The following NPR3 variants were observed in gnomAD, a reference collection of about 807,000 sequenced individuals.
NPR3 encodes natriuretic peptide receptor 3.
Under a neutral mutation model 54.5 loss-of-function variants are expected in NPR3, and 34 were observed. The ratio of observed to expected loss-of-function variants is 0.62; its 90% CI spans 0.47 to 0.83. The LOEUF is 0.83. NPR3 is among the 40% of genes least tolerant of loss of function. The probability of loss-of-function intolerance (pLI) is 0.00; values close to 1 mark genes in which losing one functional copy is unlikely to be tolerated. For missense variants in NPR3, 674 were observed against 720.8 expected (o/e 0.94, Z 0.74); for synonymous variants, 289 against 297.1 (o/e 0.97, Z 0.28).
intron 3 of NPR3, among the ~76,000 whole-genome samples, chr5:32,747,805 G>C (rs1740380789): frequency 6.6e-6 from 1 of 150,730 alleles, no homozygotes; most frequent in Admixed American, 6.6e-5. Flanking sequence ...ACCCAGGCTG[G>C]AGTGCAGTGG....
At chr5:32,784,096 T>C (rs1742483020) in intron 6 of NPR3, among the ~76,000 whole-genome samples, 1 of 152,230 alleles carries the variant, frequency 6.6e-6, no homozygotes, top group Non-Finnish European at 1.5e-5. Context: ...AATGAATTTT[T>C]CATCAAATCT....
At position 32,786,251 on chromosome 5, in the gene NPR3, C is replaced by T. The variant is rs774991793; in HGVS notation, c.1532C>T (p.Thr511Ile). 9.3e-6 allele frequency: 14 copies of T among 1,497,502 alleles called. No individual in the cohort carries two copies. The highest frequency in any genetic ancestry group is 1.7e-4 in the Middle Eastern group (1 of 5,902). The allele number at this position is 1,497,502 out of a possible 1,614,324, so 92.8% of individuals were successfully genotyped here. A position where few individuals can be genotyped will look rare whatever the true frequency, so the allele number is the denominator to read the frequency against. The change falls in exon 8 of 8, where the codon ACC (threonine) becomes ATC (isoleucine). Residue 511 changes from threonine to isoleucine, a missense_variant. Coordinates refer to ENST00000265074, the MANE Select transcript of NPR3 (RefSeq NM_001204375.2). ...FYFFRKKYRI[T>I]IERRTQQEES... is the part of the protein sequence containing the mutation. ...TTACCCAGGAAGAAATACAGAATAA[C>T]CATTGAGAGGCGAACCCAGCAAGAA...
rs535917401 is a variant in NPR3 at position 32,758,472 on chromosome 5, G to A, written c.1060-16236G>A. Among the ~76,000 whole-genome samples the A allele has an allele frequency of 1.1e-3, 161 of 152,084 alleles. 3 individuals are homozygous for A. The South Asian group carries it at 0.03, about 28-fold the overall frequency. The stretch of plus-strand genomic sequence containing the variant: ...TATCCCCTTTATAATTTTTTATTGC[G>A]TCTATTTGATTCTTCTGTCTTTTCT... On this transcript the variant is annotated intron_variant, in intron 3 of 7. Transcript: ENST00000265074.
chr5:32,772,270 A>G (rs1404688803), intron 3 of NPR3, among the ~76,000 whole-genome samples: 2 of 152,232 alleles, frequency 1.3e-5, no homozygotes, highest in Non-Finnish European at 2.9e-5. Flanking sequence ...TTTTACATGC[A>G]CTAGTTCATT....
At chr5:32,780,600 GA>G in intron 4 of NPR3, 121 bp from the exon 5 acceptor site, 3 of 738,608 alleles carry the variant, frequency 4.1e-6, no homozygotes. Flanking sequence ...CTCAGAGTCT[GA>G]TGAGATTCCC....
chr5:32,756,036 C>T (rs1279735423), intron 3 of NPR3, among the ~76,000 whole-genome samples: 2 of 152,130 alleles, frequency 1.3e-5, no homozygotes, highest in Non-Finnish European at 2.9e-5. Flanking sequence ...CAAGTCTTTG[C>T]TATGTGAATA....
At position 32,712,484 on chromosome 5, in the gene NPR3, C is replaced by A; in HGVS notation, c.708C>A (p.Phe236Leu). 6.3e-7 allele frequency: 1 copy of A among 1,576,970 alleles called. No individual in the cohort carries two copies. Residue 236 changes from phenylalanine to leucine, a missense_variant, in exon 1 of 8, where the codon TTC becomes TTA. By Grantham distance (22) the Phe-to-Leu change is conservative. Coordinates refer to ENST00000265074, the MANE Select transcript of NPR3 (RefSeq NM_001204375.2). ...EEGLHTSIYS[F>L]DETKDLDLED... is the part of the protein sequence containing the mutation. Reference sequence around the variant, plus strand: ...GTTTGCACACGTCCATCTACAGTTTCGACGAGACCAAAGACTTGGATCTGG... The same window carrying A: ...GTTTGCACACGTCCATCTACAGTTTAGACGAGACCAAAGACTTGGATCTGG...
At chr5:32,692,309 AG>A (rs1476687156) in intron 1 of NPR3, among the ~76,000 whole-genome samples, 4 of 152,240 alleles carry the variant, frequency 2.6e-5, no homozygotes, top group African/African-American at 9.6e-5. Flanking sequence ...GACAACCAAG[AG>A]CCTGCCAAAC....
intron 3 of NPR3, among the ~76,000 whole-genome samples, chr5:32,751,926 G>A (rs1032075705): frequency 2.0e-5 from 3 of 152,204 alleles, no homozygotes. Context: ...TTGGGGCTGG[G>A]TGTGGTGGCT....
intron 3 of NPR3, among the ~76,000 whole-genome samples, chr5:32,752,372 T>C (rs187654692): frequency 1.8e-3 from 268 of 152,346 alleles, no homozygotes; most frequent in Middle Eastern, 3.4e-3. Context: ...CCTCTTGCCT[T>C]GTACAATATC....
At position 32,712,565 on chromosome 5, in the gene NPR3, G is replaced by C. The variant is rs1334706432; in HGVS notation, c.769+20G>C. 8.7e-6 allele frequency: 13 copies of C among 1,502,152 alleles called. No individual in the cohort carries two copies. Among genetic ancestry groups the C allele is most frequent in the Non-Finnish European group, 1.1e-5 (12 of 1,131,306 alleles). 93.1% of individuals were successfully genotyped at this position (1,502,152 alleles called of 1,614,324 possible). ...AGAGAGGTGAGCAGGGGCGCGTCCC[G>C]GGCCCCGGGCCCTAACCCAACCGCT... is the stretch of plus-strand genomic sequence containing the variant. On this transcript the variant is annotated intron_variant, in intron 1 of 7. Coordinates refer to ENST00000265074, the MANE Select transcript of NPR3 (RefSeq NM_001204375.2).
intron 7 of NPR3, 47 bp downstream of exon 7, chr5:32,784,930 T>C (rs986722008): frequency 7.3e-7 from 1 of 1,362,706 alleles, no homozygotes; most frequent in Non-Finnish European, 1.1e-6. Flanking sequence ...CTGCTGTCTT[T>C]GTCATTTGAT....
intron 2 of NPR3, among the ~76,000 whole-genome samples, chr5:32,734,632 T>C (rs1739632604): frequency 6.6e-6 from 1 of 152,176 alleles, no homozygotes; most frequent in Admixed American, 6.5e-5. Context: ...TAGCCTTACC[T>C]AAGACCATGC....
At chr5:32,756,410 A>C (rs1341849887) in intron 3 of NPR3, among the ~76,000 whole-genome samples, 7 of 152,136 alleles carry the variant, frequency 4.6e-5, no homozygotes, top group African/African-American at 9.7e-5. Flanking sequence ...TCTTTTGAGA[A>C]GTGTCTGTTC....
chr5:32,767,565 T>C lies in NPR3; in HGVS notation c.1060-7143T>C, dbSNP rs562913237. ...CAAAATACTTCTATTTCTAGAACCA[T>C]TCATTAACATTTCAAGGAAGGCTAC... On this transcript the variant is annotated intron_variant, in intron 3 of 7. Transcript: ENST00000265074. 1.8e-4 allele frequency among the ~76,000 whole-genome samples: 28 copies of C among 152,318 alleles called. 1 individual carries two copies. The South Asian group carries it at 5.8e-3, about 32-fold the overall frequency.
chr5:32,754,450 T>C (rs1337272886), intron 3 of NPR3, among the ~76,000 whole-genome samples: 1 of 151,916 alleles, frequency 6.6e-6, no homozygotes, highest in African/African-American at 2.4e-5. Flanking sequence ...CTGCAAGCAG[T>C]GTGTATGTAG....
intron 2 of NPR3, among the ~76,000 whole-genome samples, chr5:32,733,937 TC>T (rs1739594444): frequency 6.6e-6 from 1 of 152,202 alleles, no homozygotes; most frequent in African/African-American, 2.4e-5. Flanking sequence ...TGGATATTGT[TC>T]CTATCATTTA....
intron 3 of NPR3, among the ~76,000 whole-genome samples, chr5:32,750,336 A>G (rs1740513741): frequency 6.6e-6 from 1 of 152,060 alleles, no homozygotes; most frequent in Non-Finnish European, 1.5e-5. Flanking sequence ...GGGTTTCACC[A>G]TGTCGGTCAG....
In NPR3 at chr5:32,712,684, T is replaced by C. The variant is rs112409999; in HGVS notation, c.769+139T>C. On this transcript the variant is annotated intron_variant, in intron 1 of 7. Transcript: ENST00000265074. ...GTGCGCGCGGGCACTCGTTCAGGTA[T>C]GCGCCGTGTGGCTGCGACAACCTTT... 4.9e-5 allele frequency: 38 copies of C among 779,534 alleles called. No homozygotes were observed. In the African/African-American group the frequency reaches 5.0e-4, roughly 10 times the overall value. 48.3% of individuals were successfully genotyped at this position (779,534 alleles called of 1,614,324 possible).
Sources: allele counts gnomAD v4.1 joint callset (sites outside exome capture counted in the v4.1 genomes callset), GRCh38; gene constraint gnomAD v4.1.1; transcripts MANE v1.5; gene names NCBI Gene and HGNC (gene_info 2026-07-23, HGNC 2026-07-21).